The following SLC16A5 variants were observed in gnomAD, a reference collection of about 807,000 sequenced individuals.
SLC16A5 encodes solute carrier family 16 member 5, also known as monocarboxylate transporter 6.
In SLC16A5, 29 loss-of-function variants were observed where a neutral mutation model predicts 33.2. The observed-to-expected ratio is 0.87, with a 90% CI of 0.65 to 1.19. The LOEUF is 1.19. SLC16A5 is among the 50% of genes most tolerant of loss of function. The pLI is 0.00. For synonymous variants in SLC16A5, 248 were observed against 284.1 expected (o/e 0.87, Z 1.28); for missense variants, 606 against 678.2 (o/e 0.89, Z 1.18).
intron 6 of SLC16A5, 156 bp from the exon 7 acceptor site, chr17:75,105,724 T>C (rs946360055): frequency 1.0e-6 from 1 of 985,482 alleles, no homozygotes; most frequent in African/African-American, 1.7e-5. Flanking sequence ...TGTGAACTAA[T>C]GAAGCTGACA....
At chr17:75,106,591 T>TAAA (rs1239388528), downstream of SLC16A5, among the ~76,000 whole-genome samples, 24 of 88,428 alleles carry the variant, frequency 2.7e-4, no homozygotes, top group African/African-American at 8.9e-4. Flanking sequence ...TGTCTTTTTT[T>TAAA]TAAAAAAAAA....
At chr17:75,095,622 C>T (rs181580647) in intron 3 of SLC16A5, among the ~76,000 whole-genome samples, 15 of 151,832 alleles carry the variant, frequency 9.9e-5, no homozygotes, top group East Asian at 7.7e-4. Context: ...CTCAGCCTCC[C>T]GAGTAGCTGG....
rs1007492534 is a variant in SLC16A5 at position 75,104,960 on chromosome 17, C to A, written c.1364+780C>A. 2.4e-5 allele frequency: 24 copies of A among 985,320 alleles called. No individual in the cohort carries two copies. In the African/African-American group the frequency reaches 4.2e-4, roughly 17 times the overall value. 61.0% of individuals were successfully genotyped at this position (985,320 alleles called of 1,614,324 possible). A position where few individuals can be genotyped will look rare whatever the true frequency, so the allele number is the denominator to read the frequency against. ...TCCAGCCTGGATGCCTCTATCATTT[C>A]TCTTTGTCTTTCTCTGGCCTCCATA... On this transcript the variant is annotated intron_variant, in intron 6 of 6. Coordinates refer to ENST00000329783, the MANE Select transcript of SLC16A5 (RefSeq NM_004695.4).
rs371797141 is a variant in SLC16A5 at position 75,103,983 on chromosome 17, C to T, written c.1167C>T (p.Asp389=). Residue 389 remains aspartate, a synonymous_variant, in exon 6 of 7, where the codon GAC becomes GAT. Transcript: ENST00000329783. ...TCTGTTCCCCAGGGTTGCTCCTGGACGCCACCAACAACTTTAGCTATGTTT... is the reference window on the plus strand; with the variant it reads ...TCTGTTCCCCAGGGTTGCTCCTGGATGCCACCAACAACTTTAGCTATGTTT... ...ISPPLAGLLL[D]ATNNFSYVFY... 3.7e-5 allele frequency: 60 copies of T among 1,613,948 alleles called. No individual in the cohort carries two copies. Among genetic ancestry groups the T allele is most frequent in the Admixed American group, 8.3e-5 (5 of 59,986 alleles).
downstream of SLC16A5, chr17:75,110,029 T>C (rs1023390403): frequency 4.4e-6 from 2 of 457,304 alleles, no homozygotes; most frequent in South Asian, 5.3e-5. Flanking sequence ...CCCCAACCAG[T>C]AGACGGTTCC....
At chr17:75,104,409 G>GAA in intron 6 of SLC16A5, 1 of 1,049,664 alleles carries the variant, frequency 9.5e-7, no homozygotes, top group Non-Finnish European at 1.2e-6. Flanking sequence ...GATGCCCTGA[G>GAA]AAACTCTTTT....
chr17:75,089,616 T>C (rs920004770), intron 2 of SLC16A5, among the ~76,000 whole-genome samples: 1 of 151,906 alleles, frequency 6.6e-6, no homozygotes, highest in African/African-American at 2.4e-5. Context: ...TAGCCAGGCA[T>C]AGTGGCGTGT....
chr17:75,091,051 G>A (rs2073631041), intron 2 of SLC16A5, among the ~76,000 whole-genome samples: 1 of 152,216 alleles, frequency 6.6e-6, no homozygotes, highest in African/African-American at 2.4e-5. Context: ...GAGCAGGGCT[G>A]GGGTCCAGCC....
chr17:75,096,881 C>G (rs1598149692), intron 3 of SLC16A5, among the ~76,000 whole-genome samples: 2 of 119,200 alleles, frequency 1.7e-5, no homozygotes. Flanking sequence ...TAGTTTCACT[C>G]TGTCGCCCAG....
rs1205525119 is a variant in SLC16A5, at chr17:75,100,724, T to C, written c.1061T>C (p.Met354Thr). The C allele has an allele frequency of 5.6e-6, 9 of 1,614,076 alleles. No homozygotes were observed. The African/African-American group carries it at 1.2e-4, about 22-fold the overall frequency. Reference sequence around the variant, plus strand: ...GGCGCCCTCATCTTCCAGGTTCTCATGGACATCGTCCCCATGGATCAGTTC... The same window carrying C: ...GGCGCCCTCATCTTCCAGGTTCTCACGGACATCGTCCCCATGGATCAGTTC... ...GIGALIFQVLMDIVPMDQFPR... is the reference protein window; with the variant it reads ...GIGALIFQVLTDIVPMDQFPR... The change falls in exon 5 of 7, where the codon ATG becomes ACG. Residue 354 changes from methionine (M) to threonine (T), a missense_variant. Physicochemically the swap from Met to Thr is moderately conservative, Grantham distance 81. Transcript: ENST00000329783.
intron 6 of SLC16A5, 98 bp from the exon 7 acceptor site, chr17:75,105,782 C>G (rs778345850): frequency 4.9e-6 from 7 of 1,435,912 alleles, no homozygotes; most frequent in Non-Finnish European, 6.4e-6. Flanking sequence ...CCTCCTAGCT[C>G]AGCAAGGGGT....
At chr17:75,103,915 G>A in intron 5 of SLC16A5, 55 bp from the exon 6 acceptor site, 1 of 1,517,280 alleles carries the variant, frequency 6.6e-7, no homozygotes, top group Non-Finnish European at 9.1e-7. Flanking sequence ...GGAACACACA[G>A]CTGAGTTGGG....
downstream of SLC16A5, among the ~76,000 whole-genome samples, chr17:75,108,677 G>C (rs1423633079): frequency 6.6e-6 from 1 of 152,184 alleles, no homozygotes; most frequent in African/African-American, 2.4e-5. Flanking sequence ...GGGTATTCAG[G>C]GAGGTAAAGG....
rs776157056 is a variant in SLC16A5, at chr17:75,100,062, T to C, written c.399T>C (p.Phe133=). 2.5e-6 allele frequency: 4 copies of C among 1,613,562 alleles called. No individual in the cohort carries two copies. In the South Asian group the frequency reaches 4.4e-5, roughly 18 times the overall value. The change falls in exon 5 of 7, where the codon TTT becomes TTC. Residue 133 remains phenylalanine, a synonymous_variant. Transcript: ENST00000329783. ...QSSITVLGFY[F]VRRRVLANAL... is the part of the protein sequence containing the mutation. Reference sequence around the variant, plus strand: ...GCATCACGGTGCTGGGCTTCTACTTTGTCCGCCGGCGGGTGCTGGCCAACG... The same window carrying C: ...GCATCACGGTGCTGGGCTTCTACTTCGTCCGCCGGCGGGTGCTGGCCAACG...
intron 5 of SLC16A5, among the ~76,000 whole-genome samples, chr17:75,101,240 C>G (rs1272654021): frequency 6.9e-6 from 1 of 145,932 alleles, no homozygotes. Flanking sequence ...CAAAGCGAGA[C>G]TCCGCCTCAA....
Position 75,100,153 on chromosome 17 carries a change from G to A in SLC16A5, c.490G>A (p.Glu164Lys), listed in dbSNP as rs2073772461. 6.2e-7 allele frequency: 1 copy of A among 1,614,212 alleles called. No homozygotes were observed. The highest frequency in any genetic ancestry group is 8.5e-7 in the Non-Finnish European group (1 of 1,180,030). ...LWPLLSRYLL[E>K]NLGWRGTFLV... ...GCCGCTGCTCTCCCGCTACCTTCTG[G>A]AGAACCTGGGCTGGAGGGGTACCTT... The change falls in exon 5 of 7, where the codon GAG (glutamate) becomes AAG (lysine). Residue 164 changes from glutamate to lysine, a missense_variant. Glu to Lys is a moderately conservative substitution (Grantham distance 56, BLOSUM62 1). Transcript: ENST00000329783.
intron 6 of SLC16A5, chr17:75,104,576 C>A: frequency 1.6e-6 from 1 of 636,452 alleles, no homozygotes; most frequent in Non-Finnish European, 2.0e-6. Flanking sequence ...CTCTGCCCCC[C>A]AAGTAGCTGA....
chr17:75,087,474 T>C (rs2073583441), upstream of SLC16A5, among the ~76,000 whole-genome samples: 1 of 152,140 alleles, frequency 6.6e-6, no homozygotes, highest in Admixed American at 6.5e-5. Context: ...GGGTGTCCTC[T>C]CACCTGCTCC....
chr17:75,108,307 G>A (rs1269325458), downstream of SLC16A5, among the ~76,000 whole-genome samples: 1 of 152,144 alleles, frequency 6.6e-6, no homozygotes, highest in African/African-American at 2.4e-5. Flanking sequence ...AACCCCTTGG[G>A]CACCTAGGGG....
Sources: allele counts gnomAD v4.1 joint callset (sites outside exome capture counted in the v4.1 genomes callset), GRCh38; gene constraint gnomAD v4.1.1; transcripts MANE v1.5; gene names NCBI Gene and HGNC (gene_info 2026-07-23, HGNC 2026-07-21).